SMIM13: variants seen among roughly 807,000 people sequenced by gnomAD.
The protein encoded by SMIM13 is UPF0766 protein C6orf228.
A neutral mutation model predicts 5.9 loss-of-function variants in SMIM13; 3 were observed. The ratio of observed to expected loss-of-function variants is 0.51; its 90% CI spans 0.23 to 1.31. The LOEUF (loss-of-function observed/expected upper bound fraction) is 1.31. SMIM13 is among the 40% of genes most tolerant of loss of function. The pLI is 0.18. For missense variants in SMIM13, 85 were observed against 109.9 expected (o/e 0.77, Z 1.01); for synonymous variants, 55 against 46.0 (o/e 1.19, Z -0.79).
In SMIM13 at chr6:11,134,742, T is replaced by C. The variant is rs1758497709; in HGVS notation, c.*140T>C. On this transcript the variant is annotated 3_prime_UTR_variant, in exon 2 of 2. Coordinates refer to ENST00000416247, the MANE Select transcript of SMIM13 (RefSeq NM_001135575.2). ...AAAAAAGATTTACATGTAAGCCATA[T>C]AAAAATAAAGGGAACTGAAACCAAA... is the stretch of plus-strand genomic sequence containing the variant. 3 of 671,430 alleles carry C rather than the reference T, an allele frequency of 4.5e-6. No homozygotes were observed. In the Admixed American group the frequency reaches 1.1e-4, roughly 26 times the overall value. The allele number at this position is 671,430 out of a possible 1,614,324, so 41.6% of individuals were successfully genotyped here.
At chr6:11,108,684 C>T (rs943481266) in intron 1 of SMIM13, among the ~76,000 whole-genome samples, 1 of 152,178 alleles carries the variant, frequency 6.6e-6, no homozygotes, top group Non-Finnish European at 1.5e-5. Context: ...TGAGCCCTTT[C>T]CTACTCCTCC....
At chr6:11,106,290 G>T (rs1278253243) in intron 1 of SMIM13, among the ~76,000 whole-genome samples, 1 of 152,234 alleles carries the variant, frequency 6.6e-6, no homozygotes, top group East Asian at 1.9e-4. Flanking sequence ...TAAACCTGTG[G>T]TATGCAGGGA....
chr6:11,118,264 G>A (rs541419250), intron 1 of SMIM13, among the ~76,000 whole-genome samples: 23 of 152,330 alleles, frequency 1.5e-4, no homozygotes, highest in African/African-American at 5.5e-4. Context: ...TCTCAGGTCA[G>A]TTTGGTTGAG....
At chr6:11,120,761 CTG>C (rs1273053638) in intron 1 of SMIM13, among the ~76,000 whole-genome samples, 1 of 152,200 alleles carries the variant, frequency 6.6e-6, no homozygotes, top group East Asian at 1.9e-4. Flanking sequence ...TCATGAGTCA[CTG>C]TGTGCCTTTA....
At position 11,135,423 on chromosome 6, in the gene SMIM13, AG is replaced by A. The variant is rs1177443529; in HGVS notation, c.*823del. The A allele has an allele frequency of 1.3e-5, 2 of 152,618 alleles. No homozygotes were observed. Among genetic ancestry groups the A allele is most frequent in the African/African-American group, 2.4e-5 (1 of 41,448 alleles). The allele number at this position is 152,618 out of a possible 1,614,324, so 9.5% of individuals were successfully genotyped here. ...AGGCAGGAGAAGTTGCCAAAACCCT[AG>A]GAATTGATGAAACAAAATTCAAAGC... On this transcript the variant is annotated 3_prime_UTR_variant, in exon 2 of 2. Coordinates refer to ENST00000416247, the MANE Select transcript of SMIM13 (RefSeq NM_001135575.2).
At chr6:11,106,528 G>C (rs1758085888) in intron 1 of SMIM13, among the ~76,000 whole-genome samples, 1 of 152,202 alleles carries the variant, frequency 6.6e-6, no homozygotes, top group East Asian at 1.9e-4. Context: ...GTAAACTCTT[G>C]ATGGTTTCCA....
chr6:11,131,621 T>C (rs1758450888), intron 1 of SMIM13, among the ~76,000 whole-genome samples: 2 of 152,178 alleles, frequency 1.3e-5, no homozygotes. Context: ...AGAAATAAAC[T>C]GTAACATTTA....
chr6:11,105,469 A>G (rs931477400), intron 1 of SMIM13: 2 of 605,174 alleles, frequency 3.3e-6, no homozygotes, highest in African/African-American at 3.7e-5. Flanking sequence ...TTGGTGGGGC[A>G]TTACTTATCT....
intron 1 of SMIM13, among the ~76,000 whole-genome samples, chr6:11,100,407 C>A (rs1310228044): frequency 1.3e-5 from 2 of 152,178 alleles, no homozygotes; most frequent in African/African-American, 4.8e-5. Flanking sequence ...TCCACAATCT[C>A]TTACACTCAT....
chr6:11,094,566 A>T (rs1757898788), intron 1 of SMIM13, among the ~76,000 whole-genome samples, 177 bp downstream of exon 1: 1 of 151,970 alleles, frequency 6.6e-6, no homozygotes, highest in South Asian at 2.1e-4. Context: ...CCCTTTACTC[A>T]TGGCCGGCCC....
chr6:11,104,237 G>A (rs1219500607), intron 1 of SMIM13: 9 of 1,551,542 alleles, frequency 5.8e-6, no homozygotes, highest in Admixed American at 2.0e-5. Context: ...CGAGTCCCGC[G>A]AGAAGGGGAA....
At chr6:11,134,002 C>A (rs1012202595) in intron 1 of SMIM13, among the ~76,000 whole-genome samples, 1 of 151,752 alleles carries the variant, frequency 6.6e-6, no homozygotes, top group African/African-American at 2.4e-5. Flanking sequence ...GGATTCTGAT[C>A]GAAACAAACT....
At position 11,097,057 on chromosome 6, in the gene SMIM13, C is replaced by T. The variant is rs937235489; in HGVS notation, c.76+2668C>T. 2.0e-5 allele frequency among the ~76,000 whole-genome samples: 3 copies of T among 152,178 alleles called. No individual in the cohort carries two copies. In the South Asian group the frequency reaches 6.2e-4, roughly 32 times the overall value. ...TTCTCCATGTTGGTCAGGCTGATCT[C>T]GAGCTCCCGACCTCAGGTGATCTGC... On this transcript the variant is annotated intron_variant, in intron 1 of 1. Coordinates refer to ENST00000416247, the MANE Select transcript of SMIM13 (RefSeq NM_001135575.2).
At chr6:11,105,000 C>A (rs369615242) in intron 1 of SMIM13, 2 of 1,614,084 alleles carry the variant, frequency 1.2e-6, no homozygotes, top group Non-Finnish European at 8.5e-7. Flanking sequence ...AGGTTTCTGG[C>A]GGATATCAGG....
rs1758518979 is a variant in SMIM13, at chr6:11,136,491, A to G, written c.*1889A>G. ...AACCTCTATTTTATGATGGTGTGTT[A>G]TTATGTTTGATACCTCATACTTCTT... is the stretch of plus-strand genomic sequence containing the variant. On this transcript the variant is annotated 3_prime_UTR_variant, in exon 2 of 2. Transcript: ENST00000416247. The G allele has an allele frequency of 6.6e-6, 1 of 152,132 alleles. No homozygotes were observed. 9.4% of individuals were successfully genotyped at this position (152,132 alleles called of 1,614,324 possible).
chr6:11,103,272 CTTCAGGTGT>C (rs1758023139), intron 1 of SMIM13: 1 of 168,792 alleles, frequency 5.9e-6, no homozygotes, highest in African/African-American at 2.4e-5. Context: ...TGATCACCAG[CTTCAGGTGT>C]TTCCTATCTA....
At chr6:11,105,400 G>C in intron 1 of SMIM13, 2 of 956,836 alleles carry the variant, frequency 2.1e-6, no homozygotes, top group Non-Finnish European at 3.1e-6. Context: ...ATAACAATCA[G>C]AGCAATTGCC....
intron 1 of SMIM13, among the ~76,000 whole-genome samples, chr6:11,107,269 A>C (rs539106929): frequency 7.2e-5 from 11 of 152,242 alleles, no homozygotes; most frequent in Non-Finnish European, 1.5e-4. Flanking sequence ...ACACTGCTCA[A>C]CTGTTACCTA....
At chr6:11,099,499 A>G (rs1308063629) in intron 1 of SMIM13, among the ~76,000 whole-genome samples, 1 of 152,190 alleles carries the variant, frequency 6.6e-6, no homozygotes, top group Non-Finnish European at 1.5e-5. Flanking sequence ...CTTGTCCATC[A>G]TCTGTCTCCC....
Sources: allele counts gnomAD v4.1 joint callset (sites outside exome capture counted in the v4.1 genomes callset), GRCh38; gene constraint gnomAD v4.1.1; transcripts MANE v1.5; gene names NCBI Gene and HGNC (gene_info 2026-07-23, HGNC 2026-07-21).